The following SHPRH variants were observed in gnomAD, a reference collection of about 807,000 sequenced individuals.
SHPRH encodes the protein SNF2 histone linker PHD RING helicase.
A neutral mutation model predicts 202.5 loss-of-function variants in SHPRH; 106 were observed. The ratio of observed to expected loss-of-function variants is 0.52; its 90% CI spans 0.45 to 0.62. The LOEUF (loss-of-function observed/expected upper bound fraction) is 0.62. Among genes scored for constraint, SHPRH ranks in the 20% least tolerant of loss-of-function variants. The probability of loss-of-function intolerance (pLI) is 0.00; values close to 1 mark genes in which losing one functional copy is unlikely to be tolerated. For missense variants in SHPRH, 1,710 were observed against 2,020.0 expected, an observed-to-expected ratio of 0.85 and a Z score of 2.94; for synonymous variants, 729 against 686.0, an observed-to-expected ratio of 1.06 and a Z score of -0.98.
Position 145,926,712 on chromosome 6 carries a change from G to A in SHPRH, c.3202-416C>T, listed in dbSNP as rs534357637. On this transcript the variant is annotated intron_variant, in intron 15 of 29. Transcript: ENST00000275233. ...TTTCTACTTCTTATTTAGCTAGAGAGCCTTGTCTATATGAGTCAATGACAG... is the reference window on the plus strand; with the variant it reads ...TTTCTACTTCTTATTTAGCTAGAGAACCTTGTCTATATGAGTCAATGACAG... Among the ~76,000 whole-genome samples, 6 of 151,928 alleles carry A rather than the reference G, an allele frequency of 3.9e-5. No homozygotes were observed. The East Asian group carries it at 1.2e-3, about 29-fold the overall frequency.
chr6:145,927,222 T>A lies in SHPRH; in HGVS notation c.3168A>T (p.Glu1056Asp). 1 of 1,612,236 alleles carries A rather than the reference T, an allele frequency of 6.2e-7. No individual in the cohort carries two copies. Among genetic ancestry groups the A allele is most frequent in the Non-Finnish European group, 8.5e-7 (1 of 1,178,878 alleles). The change falls in exon 15 of 30, where the codon GAA (glutamate) becomes GAT (aspartate). Residue 1056 changes from glutamate (E) to aspartate (D), a missense_variant. Around this residue, in one of 8 missense-constraint regions of SHPRH, gnomAD observed 288 missense variants for 317.8 expected, o/e 0.91. Coordinates refer to ENST00000275233, the MANE Select transcript of SHPRH (RefSeq NM_001042683.3). The stretch of plus-strand genomic sequence containing the variant: ...AATCAGTTTTGAGTTTTCCTTTGTG[T>A]TCCTCCGAGGAGCGCAACACTTCTC... ...LYREVLRSSE[E>D]HKGKLKTDSL...
downstream of SHPRH, among the ~76,000 whole-genome samples, chr6:145,879,808 A>C (rs1780470925): frequency 6.9e-6 from 1 of 145,710 alleles, no homozygotes; most frequent in African/African-American, 2.5e-5. Context: ...GCTACTCGGG[A>C]GGCTGAGGCA....
At chr6:145,870,587 G>C (rs550252698) in intron 2 of SHPRH, among the ~76,000 whole-genome samples, 1 of 152,262 alleles carries the variant, frequency 6.6e-6, no homozygotes, top group South Asian at 2.1e-4. Context: ...ACATGATCAT[G>C]TCATCTGTGA....
intron 28 of SHPRH, among the ~76,000 whole-genome samples, chr6:145,890,934 T>C (rs1418918747): frequency 1.3e-5 from 2 of 152,168 alleles, no homozygotes; most frequent in African/African-American, 4.8e-5. Context: ...CCTCATCATG[T>C]GCACTGCTAC....
At chr6:145,900,979 C>G (rs945683807) in intron 25 of SHPRH, among the ~76,000 whole-genome samples, 3 of 152,030 alleles carry the variant, frequency 2.0e-5, no homozygotes, top group Non-Finnish European at 4.4e-5. Flanking sequence ...TTTAAATTTT[C>G]TTATCACAAA....
chr6:145,882,376 T>C (rs962320720), downstream of SHPRH, among the ~76,000 whole-genome samples: 3 of 152,294 alleles, frequency 2.0e-5, no homozygotes, highest in African/African-American at 7.2e-5. Flanking sequence ...AAATGGTCAG[T>C]TGCAGAATAT....
chr6:145,955,021 A>G lies in SHPRH; in HGVS notation c.302T>C (p.Ile101Thr). 6.2e-7 allele frequency: 1 copy of G among 1,613,506 alleles called. No individual in the cohort carries two copies. Among genetic ancestry groups the G allele is most frequent in the South Asian group, 1.1e-5 (1 of 91,084 alleles). ...ATCAAAATGATAGGGAGAAATCACA[A>G]TATTTAACTTTACAGACAAAGGGGA... ...IFSPLSVKLN[I>T]VISPYHFDNS... Residue 101 changes from isoleucine to threonine, a missense_variant, in exon 2 of 30, where the codon ATT becomes ACT. Ile to Thr is a moderately conservative substitution (Grantham distance 89). Around this residue, in one of 8 missense-constraint regions of SHPRH, gnomAD observed 459 missense variants for 426.5 expected, o/e 1.08. Coordinates refer to ENST00000275233, the MANE Select transcript of SHPRH (RefSeq NM_001042683.3).
chr6:145,958,610 C>A (rs1788744052), intron 1 of SHPRH, among the ~76,000 whole-genome samples: 1 of 152,088 alleles, frequency 6.6e-6, no homozygotes, highest in South Asian at 2.1e-4. Context: ...GAAGTGATTT[C>A]CTTGGCACCT....
At chr6:145,915,562 C>T (rs1484717555) in intron 23 of SHPRH, among the ~76,000 whole-genome samples, 2 of 151,786 alleles carry the variant, frequency 1.3e-5, no homozygotes, top group African/African-American at 2.4e-5. Flanking sequence ...AAGTATAGAA[C>T]TCTAGGTTGG....
intron 6 of SHPRH, among the ~76,000 whole-genome samples, 196 bp from the exon 7 acceptor site, chr6:145,946,537 G>C (rs1229484554): frequency 1.3e-5 from 2 of 151,838 alleles, no homozygotes; most frequent in Admixed American, 6.6e-5. Flanking sequence ...AAAAAATTGT[G>C]CATATTATCT....
chr6:145,893,937 T>C (rs1404375759), intron 27 of SHPRH, among the ~76,000 whole-genome samples: 4 of 151,770 alleles, frequency 2.6e-5, no homozygotes, highest in Non-Finnish European at 5.9e-5. Flanking sequence ...GAACCTCAAG[T>C]TGGGAGATCT....
chr6:145,946,743 AT>A (rs68146934), intron 6 of SHPRH, among the ~76,000 whole-genome samples: 12,716 of 150,592 alleles, frequency 0.084, 652 homozygotes, highest in South Asian at 0.12. Flanking sequence ...CAAAAAAAAC[AT>A]TTTTTTTTTA....
chr6:145,858,717 T>C, the SHPRH span, among the ~76,000 whole-genome samples: 19 of 152,078 alleles, frequency 1.2e-4, no homozygotes, highest in African/African-American at 4.6e-4. Context: ...GAAATGTGAA[T>C]CATACCTCAG....
At chr6:145,884,221 A>T (rs1780801070), downstream of SHPRH, 1 of 152,178 alleles carries the variant, frequency 6.6e-6, no homozygotes, top group South Asian at 2.1e-4. Flanking sequence ...TGTTCATGTG[A>T]TATGAAAGAT....
chr6:145,955,147 T>C lies in SHPRH; in HGVS notation c.176A>G (p.Asp59Gly). The C allele has an allele frequency of 6.2e-7, 1 of 1,613,816 alleles. No individual in the cohort carries two copies. Residue 59 changes from aspartate (D) to glycine (G), a missense_variant, in exon 2 of 30, where the codon GAT becomes GGT. Around this residue, in one of 8 missense-constraint regions of SHPRH, gnomAD observed 459 missense variants for 426.5 expected, o/e 1.08. Coordinates refer to ENST00000275233, the MANE Select transcript of SHPRH (RefSeq NM_001042683.3). The part of the protein sequence containing the change: ...TSSAHYIILS[D>G]SLKEEVAHRD... Reference sequence around the variant, plus strand: ...GTGAGCCACTTCTTCCTTTAGACTATCACTTAGAATGATATAATGAGCAGA... The same window carrying C: ...GTGAGCCACTTCTTCCTTTAGACTACCACTTAGAATGATATAATGAGCAGA...
In SHPRH at chr6:145,926,254, T is replaced by C. The variant is rs753610704; in HGVS notation, c.3244A>G (p.Arg1082Gly). Residue 1082 changes from arginine (R) to glycine (G), a missense_variant, in exon 16 of 30, where the codon AGG (arginine) becomes GGG (glycine). Coordinates refer to ENST00000275233, the MANE Select transcript of SHPRH (RefSeq NM_001042683.3). ...THNLMELLIA[R>G]HPGIPPTLRD... Reference sequence around the variant, plus strand: ...AAGGTAGGTGGTATCCCTGGGTGCCTGGCTATCAACAATTCCATCAAGTTA... The same window carrying C: ...AAGGTAGGTGGTATCCCTGGGTGCCCGGCTATCAACAATTCCATCAAGTTA... 11 of 1,612,872 alleles carry C rather than the reference T, an allele frequency of 6.8e-6. No individual in the cohort carries two copies. Among genetic ancestry groups the C allele is most frequent in the Non-Finnish European group, 8.5e-7 (1 of 1,179,256 alleles).
chr6:145,917,397 CT>C (rs1784050151), intron 23 of SHPRH: 1 of 152,106 alleles, frequency 6.6e-6, no homozygotes, highest in Non-Finnish European at 1.5e-5. Context: ...GTTCCAAAGT[CT>C]ACCTTCTTAG....
intron 23 of SHPRH, among the ~76,000 whole-genome samples, chr6:145,914,215 T>C (rs535333220): frequency 1.3e-5 from 2 of 152,212 alleles, no homozygotes; most frequent in African/African-American, 2.4e-5. Flanking sequence ...TGGCAGTTGG[T>C]AGGCTATCTG....
chr6:145,866,982 C>T (rs1779808034), intron 2 of SHPRH, among the ~76,000 whole-genome samples: 1 of 152,092 alleles, frequency 6.6e-6, no homozygotes, highest in African/African-American at 2.4e-5. Context: ...TTTGTCAACA[C>T]ACTTCAAGGT....
Sources: gnomAD v4.1 joint callset for allele counts (sites outside exome capture counted in the v4.1 genomes callset) on GRCh38, gnomAD v4.1.1 for gene constraint, gnomAD v4.1.1 regional missense constraint, MANE v1.5 for transcripts, NCBI Gene and HGNC (gene_info 2026-07-23, HGNC 2026-07-21) for gene names.